CCNY: variants seen among roughly 807,000 people sequenced by gnomAD.
CCNY encodes cyclin Y.
CCNY carries 19 observed loss-of-function variants against 42.8 expected under a neutral mutation model. The ratio of observed to expected loss-of-function variants is 0.44; its 90% confidence interval spans 0.31 to 0.65. The LOEUF (loss-of-function observed/expected upper bound fraction) is 0.65, where lower values mean the gene tolerates loss of function less well. Ranked by LOEUF, CCNY falls within the 30% of genes least tolerant of loss-of-function variation. CCNY has a pLI of 0.07. For synonymous variants in CCNY, 165 were observed against 162.7 expected (o/e 1.01, Z -0.11); for missense variants, 370 against 437.3 (o/e 0.85, Z 1.37).
intron 1 of CCNY, among the ~76,000 whole-genome samples, chr10:35,363,005 T>C (rs1465312119): frequency 7.0e-6 from 1 of 143,622 alleles, no homozygotes; most frequent in Admixed American, 6.9e-5. Flanking sequence ...GCGGAGACGC[T>C]CCTCACTTCC....
intron 1 of CCNY, among the ~76,000 whole-genome samples, chr10:35,445,957 T>C (rs188704477): frequency 1.3e-3 from 204 of 152,300 alleles, no homozygotes; most frequent in Middle Eastern, 6.8e-3. Flanking sequence ...CTTCTAAATA[T>C]TTCGTGGTCT....
chr10:35,342,940 A>G lies in CCNY; in HGVS notation c.154+5733A>G, dbSNP rs1437103197. Among the ~76,000 whole-genome samples, 3 of 138,772 alleles carry G rather than the reference A, an allele frequency of 2.2e-5. No homozygotes were observed. The East Asian group carries it at 6.5e-4, about 30-fold the overall frequency. 91.0% of individuals were successfully genotyped at this position (138,772 alleles called of 152,430 possible). A position where few individuals can be genotyped will look rare whatever the true frequency, so the allele number is the denominator to read the frequency against. On this transcript the variant is annotated intron_variant, in intron 1 of 9. Coordinates refer to ENST00000374704, the MANE Select transcript of CCNY (RefSeq NM_145012.6). ...ACTTTGTTTCAAGAGATTCATAGTT[A>G]TTGCCTATATGCTTTTGTCTAGCAA...
rs141688820 is a variant in CCNY, at chr10:35,272,049, C to T, written c.-9+21423C>T. On this transcript the variant is annotated intron_variant, in intron 3 of 11. Transcript: ENST00000374706. ...CGCTCCAGGCTGGAGTGCAGTGGAG[C>T]GATCTCGGCTTACTGCAACCTCCGC... Among the ~76,000 whole-genome samples, 1,166 of 152,238 alleles carry T rather than the reference C, an allele frequency of 7.7e-3. 18 individuals are homozygous for T. Among genetic ancestry groups the T allele is most frequent in the African/African-American group, 0.027 (1,117 of 41,522 alleles).
rs543530782 is a variant in CCNY at position 35,318,837 on chromosome 10, G to A, written c.-9+68211G>A. 3.3e-5 allele frequency among the ~76,000 whole-genome samples: 5 copies of A among 152,062 alleles called. No homozygotes were observed. The South Asian group carries it at 1.0e-3, about 32-fold the overall frequency. ...CAAAGTAAAACCAAGTAAAAGGAAG[G>A]AAATAATAAATACAAGACCCTCCCC... is the stretch of plus-strand genomic sequence containing the variant. On this transcript the variant is annotated intron_variant, in intron 3 of 11. Coordinates refer to the CCNY transcript ENST00000374706.
chr10:35,410,068 G>A (rs1837870636), intron 1 of CCNY, among the ~76,000 whole-genome samples: 1 of 152,118 alleles, frequency 6.6e-6, no homozygotes, highest in Non-Finnish European at 1.5e-5. Flanking sequence ...GTGCAACTTA[G>A]ATGGTACAGA....
intron 1 of CCNY, among the ~76,000 whole-genome samples, chr10:35,414,224 A>G (rs1027140944): frequency 3.3e-5 from 5 of 152,200 alleles, no homozygotes; most frequent in African/African-American, 1.2e-4. Context: ...ACGAGGCTGC[A>G]GTCAAGATAC....
chr10:35,507,161 C>T (rs1840231617), intron 3 of CCNY, among the ~76,000 whole-genome samples: 1 of 152,196 alleles, frequency 6.6e-6, no homozygotes, highest in African/African-American at 2.4e-5. Context: ...CTTGAAGGAG[C>T]ATTCTACTTG....
chr10:35,342,376 A>C (rs1231610127), intron 1 of CCNY, among the ~76,000 whole-genome samples: 1 of 152,228 alleles, frequency 6.6e-6, no homozygotes, highest in African/African-American at 2.4e-5. Flanking sequence ...TGCTGTCTGC[A>C]AGGTATGTGG....
At chr10:35,256,330 A>T (rs983507631) in intron 3 of CCNY, among the ~76,000 whole-genome samples, 1 of 152,148 alleles carries the variant, frequency 6.6e-6, no homozygotes, top group East Asian at 1.9e-4. Context: ...CATCTAAGTT[A>T]ATTTCTCATT....
chr10:35,305,142 G>A (rs1411305462), intron 3 of CCNY, among the ~76,000 whole-genome samples: 5 of 152,302 alleles, frequency 3.3e-5, no homozygotes, highest in Non-Finnish European at 5.9e-5. Context: ...TTATGGCCAC[G>A]TGTCCTTTTG....
At chr10:35,353,152 C>G (rs1030410658) in intron 1 of CCNY, among the ~76,000 whole-genome samples, 1 of 152,166 alleles carries the variant, frequency 6.6e-6, no homozygotes, top group Non-Finnish European at 1.5e-5. Context: ...GTCTGGAACT[C>G]CTGGGCTCAA....
chr10:35,351,270 T>C (rs1192547291), intron 1 of CCNY, among the ~76,000 whole-genome samples: 1 of 152,236 alleles, frequency 6.6e-6, no homozygotes, highest in African/African-American at 2.4e-5. Context: ...GAACCTCTTC[T>C]GTTTATACGA....
chr10:35,523,110 A>G (rs996588957), intron 4 of CCNY, among the ~76,000 whole-genome samples: 4 of 152,208 alleles, frequency 2.6e-5, no homozygotes, highest in Non-Finnish European at 5.9e-5. Flanking sequence ...TAGGTTGTCA[A>G]CCAACAGAAA....
intron 1 of CCNY, among the ~76,000 whole-genome samples, chr10:35,457,325 G>A (rs766893317): frequency 4.6e-5 from 7 of 152,072 alleles, no homozygotes; most frequent in Admixed American, 2.6e-4. Context: ...CTTCAGTCCC[G>A]TCGCAGCCTG....
chr10:35,417,734 A>G (rs78186521), intron 1 of CCNY, among the ~76,000 whole-genome samples: 1 of 152,376 alleles, frequency 6.6e-6, no homozygotes, highest in African/African-American at 2.4e-5. Flanking sequence ...ATATTCTAAT[A>G]ATAATGAACA....
intron 1 of CCNY, among the ~76,000 whole-genome samples, chr10:35,470,581 G>A (rs1332354718): frequency 6.6e-6 from 1 of 152,238 alleles, no homozygotes; most frequent in Non-Finnish European, 1.5e-5. Context: ...ATATAAGTGT[G>A]TTATGATAGT....
chr10:35,472,075 G>A (rs1295648043), intron 1 of CCNY, among the ~76,000 whole-genome samples: 1 of 152,162 alleles, frequency 6.6e-6, no homozygotes, highest in East Asian at 1.9e-4. Context: ...TGTTTCTTTA[G>A]CCCTGATCTA....
intron 3 of CCNY, among the ~76,000 whole-genome samples, chr10:35,505,903 C>T (rs1391945441): frequency 2.0e-5 from 3 of 152,168 alleles, no homozygotes; most frequent in Non-Finnish European, 4.4e-5. Flanking sequence ...TCATTTGCTC[C>T]TCTTAACACA....
At chr10:35,268,876 A>G (rs1325888107) in intron 3 of CCNY, among the ~76,000 whole-genome samples, 3 of 152,144 alleles carry the variant, frequency 2.0e-5, no homozygotes, top group Non-Finnish European at 4.4e-5. Flanking sequence ...CAGCGGTCTC[A>G]AGGGCTCCTG....
Sources: allele counts gnomAD v4.1 joint callset (sites outside exome capture counted in the v4.1 genomes callset), GRCh38; gene constraint gnomAD v4.1.1; transcripts MANE v1.5; gene names NCBI Gene and HGNC (gene_info 2026-07-23, HGNC 2026-07-21).